DIXDC1: variants seen among roughly 807,000 people sequenced by gnomAD.
The protein encoded by DIXDC1 is dixin.
Under a neutral mutation model 103.1 loss-of-function variants are expected in DIXDC1, and 64 were observed. That is an observed-to-expected ratio of 0.62 (90% CI 0.51 to 0.76). The LOEUF (loss-of-function observed/expected upper bound fraction) is 0.76, where lower values mean the gene tolerates loss of function less well. Among genes scored for constraint, DIXDC1 ranks in the 30% least tolerant of loss-of-function variants. DIXDC1 has a pLI of 0.00. For synonymous variants in DIXDC1, 266 were observed against 298.5 expected, an observed-to-expected ratio of 0.89 and a Z score of 1.12; for missense variants, 759 against 834.2, an observed-to-expected ratio of 0.91 and a Z score of 1.11.
chr11:112,006,290 A>G (rs1482675813), intron 17 of DIXDC1, among the ~76,000 whole-genome samples: 2 of 152,052 alleles, frequency 1.3e-5, no homozygotes, highest in Admixed American at 6.5e-5. Context: ...TGGAAGCTCA[A>G]ACTGGGCGGA....
At chr11:111,928,060 T>A (rs933249818) in intron 1 of DIXDC1, among the ~76,000 whole-genome samples, 1 of 145,648 alleles carries the variant, frequency 6.9e-6, no homozygotes, top group Non-Finnish European at 1.5e-5. Context: ...CCATAAAGTG[T>A]GAGAATTTAA....
rs1592564888 is a variant in DIXDC1, at chr11:111,958,667, C to A, written c.61-5882C>A. 6.6e-6 allele frequency among the ~76,000 whole-genome samples: 1 copy of A among 152,192 alleles called. No individual in the cohort carries two copies. Among genetic ancestry groups the A allele is most frequent in the African/African-American group, 2.4e-5 (1 of 41,454 alleles). ...GGAAAGGGGCGGGTTCCCGGTGAAG[C>A]CCCACCTTCAAACCAGGGAGGCCTG... On this transcript the variant is annotated intron_variant, in intron 1 of 19. Coordinates refer to ENST00000440460, the MANE Select transcript of DIXDC1 (RefSeq NM_001037954.4). This position sits in a 1 kb window ranked among gnomAD's most constrained non-coding sequence, Gnocchi z 4.2.
intron 1 of DIXDC1, among the ~76,000 whole-genome samples, chr11:111,947,167 G>C (rs1966624279): frequency 6.6e-6 from 1 of 152,106 alleles, no homozygotes; most frequent in Non-Finnish European, 1.5e-5. Flanking sequence ...AACACAGGAA[G>C]AGTGAGCTGG....
intron 1 of DIXDC1, among the ~76,000 whole-genome samples, chr11:111,961,703 C>T (rs1360925087): frequency 5.3e-5 from 8 of 152,178 alleles, no homozygotes; most frequent in Non-Finnish European, 1.2e-4. Flanking sequence ...TTATCTTGAC[C>T]TCAAGAAAAA....
At chr11:111,929,118 G>A (rs1965932461) in intron 1 of DIXDC1, among the ~76,000 whole-genome samples, 1 of 152,170 alleles carries the variant, frequency 6.6e-6, no homozygotes, top group Non-Finnish European at 1.5e-5. Flanking sequence ...GGCAGAGGTT[G>A]CTGTGAGCCG....
intron 10 of DIXDC1, among the ~76,000 whole-genome samples, chr11:111,991,929 A>G (rs1314640287): frequency 6.6e-6 from 1 of 152,048 alleles, no homozygotes; most frequent in Non-Finnish European, 1.5e-5. Context: ...GGAAATGGGG[A>G]CTGGGCAGAG....
intron 1 of DIXDC1, among the ~76,000 whole-genome samples, chr11:111,948,342 TC>T (rs1966666842): frequency 1.3e-5 from 2 of 152,234 alleles, no homozygotes; most frequent in Admixed American, 6.5e-5. Flanking sequence ...CTTCCTGTCC[TC>T]TACCTTCTTA....
intron 1 of DIXDC1, among the ~76,000 whole-genome samples, chr11:111,947,279 CA>C (rs782142981): frequency 1.1e-4 from 17 of 151,022 alleles, no homozygotes; most frequent in African/African-American, 4.1e-4. Context: ...ATAATGAGGC[CA>C]AAAAAAATGA....
intron 2 of DIXDC1, chr11:111,930,000 T>C: frequency 8.2e-7 from 1 of 1,220,798 alleles, no homozygotes; most frequent in Non-Finnish European, 1.1e-6. Context: ...CCATCAGGAC[T>C]CAGATCCTGG....
At chr11:111,970,262 C>A (rs1245128618) in intron 3 of DIXDC1, among the ~76,000 whole-genome samples, 1 of 151,904 alleles carries the variant, frequency 6.6e-6, no homozygotes, top group Non-Finnish European at 1.5e-5. Context: ...ATCATGTTGG[C>A]CAGCGTGGTC....
chr11:111,931,044 G>C (rs1592529240), intron 2 of DIXDC1, among the ~76,000 whole-genome samples: 1 of 151,734 alleles, frequency 6.6e-6, no homozygotes, highest in East Asian at 1.9e-4. Flanking sequence ...AGTAGAGATG[G>C]GGTTTTACCA....
chr11:111,982,070 C>T (rs1860321998), intron 6 of DIXDC1: 1 of 272,648 alleles, frequency 3.7e-6, no homozygotes. Flanking sequence ...CTGTGTGGCG[C>T]ATACCAAGGC....
chr11:112,005,893 A>T (rs782111445), intron 17 of DIXDC1, among the ~76,000 whole-genome samples: 15 of 152,190 alleles, frequency 9.9e-5, no homozygotes, highest in Non-Finnish European at 2.2e-4. Flanking sequence ...TAATCCCAGC[A>T]CTTTGGGAGG....
intron 17 of DIXDC1, among the ~76,000 whole-genome samples, chr11:112,015,740 T>C (rs587605805): frequency 5.6e-4 from 82 of 145,374 alleles, no homozygotes; most frequent in African/African-American, 2.0e-3. Flanking sequence ...AGGTGGAGGT[T>C]GCAGTGAGCT....
chr11:112,012,343 CAG>C (rs782658926), intron 17 of DIXDC1, among the ~76,000 whole-genome samples: 1 of 152,140 alleles, frequency 6.6e-6, no homozygotes, highest in Non-Finnish European at 1.5e-5. Context: ...GTAATCAAGA[CAG>C]TGTAGTATTG....
At chr11:111,978,823 CT>C (rs1860206202) in intron 5 of DIXDC1, among the ~76,000 whole-genome samples, 1 of 152,132 alleles carries the variant, frequency 6.6e-6, no homozygotes. Context: ...TTGCAGGCCG[CT>C]TTCTACACTT....
chr11:111,934,708 G>A (rs1555167976), upstream of DIXDC1, among the ~76,000 whole-genome samples: 2 of 151,666 alleles, frequency 1.3e-5, no homozygotes, highest in African/African-American at 4.8e-5. Flanking sequence ...CACTTTGTAA[G>A]GCCAACTAAG....
rs1555177777 is a variant in DIXDC1, at chr11:112,016,754, C to T, written c.1820C>T (p.Thr607Ile). 6.2e-7 allele frequency: 1 copy of T among 1,609,712 alleles called. No individual in the cohort carries two copies. Among genetic ancestry groups the T allele is most frequent in the Non-Finnish European group, 8.5e-7 (1 of 1,177,658 alleles). ...SSTCTKVLYF[T>I]DRSLTPFMVN... ...ACCTGTACTAAAGTGCTCTATTTCACTGACCGGTCACTTACGCCCTTCATG... is the reference window on the plus strand; with the variant it reads ...ACCTGTACTAAAGTGCTCTATTTCATTGACCGGTCACTTACGCCCTTCATG... Residue 607 changes from threonine to isoleucine, a missense_variant, in exon 18 of 20, where the codon ACT (threonine) becomes ATT (isoleucine). Coordinates refer to ENST00000440460, the MANE Select transcript of DIXDC1 (RefSeq NM_001037954.4).
chr11:111,961,404 A>G (rs1859573664), intron 1 of DIXDC1, among the ~76,000 whole-genome samples: 1 of 152,228 alleles, frequency 6.6e-6, no homozygotes, highest in African/African-American at 2.4e-5. Context: ...AACCATGAAC[A>G]AGTTATTTCA....
Sources: allele counts gnomAD v4.1 joint callset (sites outside exome capture counted in the v4.1 genomes callset), GRCh38; gene constraint gnomAD v4.1.1; non-coding constraint Gnocchi (gnomAD v3.1); transcripts MANE v1.5; gene names NCBI Gene and HGNC (gene_info 2026-07-23, HGNC 2026-07-21).